ZMYM5: variants seen among roughly 807,000 people sequenced by gnomAD.
ZMYM5 encodes zinc finger MYM-type protein 5.
Under a neutral mutation model 61.8 loss-of-function variants are expected in ZMYM5, and 41 were observed. That is an observed-to-expected ratio of 0.66 (90% CI 0.52 to 0.86). The LOEUF (loss-of-function observed/expected upper bound fraction) is 0.86. Ranked by LOEUF, ZMYM5 falls within the 40% of genes least tolerant of loss-of-function variation. The pLI is 0.00. For synonymous variants in ZMYM5, 257 were observed against 276.4 expected (o/e 0.93, Z 0.70); for missense variants, 706 against 786.7 (o/e 0.90, Z 1.23).
At chr13:19,861,514 T>C (rs1051000889) in intron 2 of ZMYM5, among the ~76,000 whole-genome samples, 1 of 152,000 alleles carries the variant, frequency 6.6e-6, no homozygotes, top group Non-Finnish European at 1.5e-5. Flanking sequence ...AGATATGCTG[T>C]GAAATGTAAG....
At chr13:19,844,660 T>C (rs1953011073) in intron 4 of ZMYM5, among the ~76,000 whole-genome samples, 1 of 152,152 alleles carries the variant, frequency 6.6e-6, no homozygotes, top group Non-Finnish European at 1.5e-5. Flanking sequence ...TTCGCTCTTG[T>C]TGCCAGGCTG....
intron 6 of ZMYM5, among the ~76,000 whole-genome samples, chr13:19,836,368 A>G (rs533497373): frequency 1.3e-5 from 2 of 152,018 alleles, no homozygotes; most frequent in South Asian, 4.1e-4. Context: ...AATAGCCCAG[A>G]TTACAGGCTT....
chr13:19,838,750 A>G lies in ZMYM5; in HGVS notation c.822T>C (p.Ser274=). Residue 274 remains serine (S), a synonymous_variant, in exon 5 of 8, where the codon TCT becomes TCC. Coordinates refer to ENST00000337963, the MANE Select transcript of ZMYM5 (RefSeq NM_001142684.2). Reference sequence around the variant, plus strand: ...TTTGAGTACGTTTATGAGAGAAGGAAGAAAGGCAGGTGGTAGAGCAAAAGA... The same window carrying G: ...TTTGAGTACGTTTATGAGAGAAGGAGGAAAGGCAGGTGGTAGAGCAAAAGA... The part of the protein sequence containing the change: ...AHLFCSTTCL[S]SFSHKRTQNT... 4 of 1,614,222 alleles carry G rather than the reference A, an allele frequency of 2.5e-6. No homozygotes were observed. Among genetic ancestry groups the G allele is most frequent in the Non-Finnish European group, 2.5e-6 (3 of 1,180,038 alleles).
At position 19,847,631 on chromosome 13, in the gene ZMYM5, TTTTAA is replaced by T. The variant is rs368053828; in HGVS notation, c.586+3719_586+3723del. Among the ~76,000 whole-genome samples, 264 of 150,396 alleles carry T rather than the reference TTTTAA, an allele frequency of 1.8e-3. 7 individuals are homozygous for T. The South Asian group carries it at 0.037, about 21-fold the overall frequency. The stretch of plus-strand genomic sequence containing the variant: ...TGGGTAATTATTGTGAAATGAATAG[TTTTAA>T]TTTTTCTTTTTTTTTTTTTTCTGTG... On this transcript the variant is annotated intron_variant, in intron 4 of 7. Coordinates refer to ENST00000337963, the MANE Select transcript of ZMYM5 (RefSeq NM_001142684.2).
intron 2 of ZMYM5, among the ~76,000 whole-genome samples, chr13:19,856,266 T>C (rs1344138931): frequency 1.3e-5 from 2 of 152,162 alleles, no homozygotes; most frequent in African/African-American, 4.8e-5. Context: ...AGGGATAACA[T>C]ATAGCTTTAA....
intron 7 of ZMYM5, among the ~76,000 whole-genome samples, chr13:19,828,304 T>G (rs1402290404): frequency 6.6e-6 from 1 of 151,968 alleles, no homozygotes; most frequent in African/African-American, 2.4e-5. Context: ...TGAAACCCTG[T>G]TTCTACTAAA....
At chr13:19,855,768 T>C (rs924293826) in intron 2 of ZMYM5, among the ~76,000 whole-genome samples, 1 of 151,470 alleles carries the variant, frequency 6.6e-6, no homozygotes, top group Non-Finnish European at 1.5e-5. Flanking sequence ...TCCCAGCACT[T>C]TGGGGGGCCA....
At chr13:19,829,676 C>A (rs758760204) in intron 7 of ZMYM5, among the ~76,000 whole-genome samples, 1 of 152,070 alleles carries the variant, frequency 6.6e-6, no homozygotes, top group Non-Finnish European at 1.5e-5. Context: ...TGCACTGTAG[C>A]CTCAAACGCC....
intron 7 of ZMYM5, among the ~76,000 whole-genome samples, chr13:19,829,720 T>C (rs889805474): frequency 5.5e-4 from 84 of 152,308 alleles, no homozygotes; most frequent in African/African-American, 2.0e-3. Flanking sequence ...TCAGTCTTTC[T>C]AGTAGCTAGT....
At chr13:19,838,062 G>C (rs1952731150) in intron 5 of ZMYM5, among the ~76,000 whole-genome samples, 1 of 152,080 alleles carries the variant, frequency 6.6e-6, no homozygotes, top group Non-Finnish European at 1.5e-5. Flanking sequence ...AAGTTTTTAA[G>C]ATTTTTAGAT....
At chr13:19,840,779 C>T (rs1298375274) in intron 4 of ZMYM5, among the ~76,000 whole-genome samples, 1 of 151,902 alleles carries the variant, frequency 6.6e-6, no homozygotes, top group East Asian at 1.9e-4. Flanking sequence ...TGGGTTCATG[C>T]CATTCTCCTA....
intron 6 of ZMYM5, among the ~76,000 whole-genome samples, chr13:19,837,008 G>C (rs1952692513): frequency 6.7e-6 from 1 of 150,258 alleles, no homozygotes; most frequent in South Asian, 2.1e-4. Flanking sequence ...TTTGTTAGAT[G>C]GGTATGTTGT....
At chr13:19,839,238 C>G (rs182031886) in intron 4 of ZMYM5, among the ~76,000 whole-genome samples, 2 of 149,650 alleles carry the variant, frequency 1.3e-5, no homozygotes, top group African/African-American at 2.5e-5. Flanking sequence ...TGGTAGCCAT[C>G]GGCTCTTAAG....
At chr13:19,862,611 A>C (rs1379421597) in intron 1 of ZMYM5, 145 bp from the exon 2 acceptor site, 1 of 152,170 alleles carries the variant, frequency 6.6e-6, no homozygotes. Flanking sequence ...CGAGAAACTA[A>C]GTTGAAAAAA....
At position 19,825,120 on chromosome 13, in the gene ZMYM5, A is replaced by T; in HGVS notation, c.1367T>A (p.Ile456Lys). ...YGSSNTLLKK[I>K]EGIPEKKEKT... ...TTCCTTTTTTTCTGGGATTCCCTCT[A>T]TTTTTTTCAAAAGTGTATTTGACGA... Residue 456 changes from isoleucine to lysine, a missense_variant, in exon 8 of 8, where the codon ATA (isoleucine) becomes AAA (lysine). Coordinates refer to ENST00000337963, the MANE Select transcript of ZMYM5 (RefSeq NM_001142684.2). The T allele has an allele frequency of 7.3e-7, 1 of 1,362,226 alleles. No homozygotes were observed. Among genetic ancestry groups the T allele is most frequent in the Non-Finnish European group, 9.8e-7 (1 of 1,019,604 alleles). The allele number at this position is 1,362,226 out of a possible 1,614,324, so 84.4% of individuals were successfully genotyped here. A position where few individuals can be genotyped will look rare whatever the true frequency, so the allele number is the denominator to read the frequency against.
At chr13:19,863,092 C>A (rs1337814992) in intron 1 of ZMYM5, among the ~76,000 whole-genome samples, 3 of 152,308 alleles carry the variant, frequency 2.0e-5, no homozygotes, top group Middle Eastern at 3.4e-3. Flanking sequence ...ACAGCGAAGA[C>A]CCGGCCGGGG....
In ZMYM5 at chr13:19,824,938, C is replaced by T; in HGVS notation, c.1549G>A (p.Val517Met). The T allele has an allele frequency of 7.3e-7, 1 of 1,364,094 alleles. No homozygotes were observed. Among genetic ancestry groups the T allele is most frequent in the Non-Finnish European group, 9.8e-7 (1 of 1,020,026 alleles). 84.5% of individuals were successfully genotyped at this position (1,364,094 alleles called of 1,614,324 possible). Residue 517 changes from valine to methionine, a missense_variant, in exon 8 of 8, where the codon GTG (valine) becomes ATG (methionine). Transcript: ENST00000337963. ...KNFEDSIVPV[V>M]LSADPGTWPR... ...CACGTACCTGGATCTGCGGAAAGCACAACTGGTACAATGGAGTCTTCAAAA... is the reference window on the plus strand; with the variant it reads ...CACGTACCTGGATCTGCGGAAAGCATAACTGGTACAATGGAGTCTTCAAAA...
rs933443079 is a variant in ZMYM5, at chr13:19,851,688, C to G, written c.492+1G>C. ...CCACTATTACCCATTCCTGCATTTACCTTACTTCTTGAAAGACTGGAAGTG... is the reference window on the plus strand; with the variant it reads ...CCACTATTACCCATTCCTGCATTTAGCTTACTTCTTGAAAGACTGGAAGTG... On this transcript the variant is annotated splice_donor_variant, in intron 3 of 7. Transcript: ENST00000337963. LOFTEE classifies it high-confidence loss of function. 6.4e-7 allele frequency: 1 copy of G among 1,564,982 alleles called. No homozygotes were observed.
chr13:19,852,251 CAAT>C lies in ZMYM5; in HGVS notation c.-10-64_-10-62del, dbSNP rs1241937805. On this transcript the variant is annotated intron_variant, in intron 2 of 7. Transcript: ENST00000337963. ...ATGTTATGGTTTTTGCATTTTACTA[CAAT>C]AAAATAGCACAAGCAAATTTTTCAA... 6.9e-6 allele frequency: 10 copies of C among 1,440,400 alleles called. No homozygotes were observed. The Admixed American group carries it at 1.3e-4, about 19-fold the overall frequency. The allele number at this position is 1,440,400 out of a possible 1,614,324, so 89.2% of individuals were successfully genotyped here.
Sources: allele counts gnomAD v4.1 joint callset (sites outside exome capture counted in the v4.1 genomes callset), GRCh38; gene constraint gnomAD v4.1.1; transcripts MANE v1.5; gene names NCBI Gene and HGNC (gene_info 2026-07-23, HGNC 2026-07-21).